ADGRL3: variants seen among roughly 807,000 people sequenced by gnomAD.
The protein encoded by ADGRL3 is adhesion G protein-coupled receptor L3.
A neutral mutation model predicts 153.5 loss-of-function variants in ADGRL3; 62 were observed. The observed-to-expected ratio is 0.40, with a 90% CI of 0.33 to 0.50. The LOEUF is 0.50. ADGRL3 is among the 20% of genes least tolerant of loss of function. The probability of loss-of-function intolerance (pLI) is 0.47; values close to 1 mark genes in which losing one functional copy is unlikely to be tolerated. For missense variants in ADGRL3, 1,641 were observed against 1,859.4 expected (o/e 0.88, Z 2.16); for synonymous variants, 710 against 672.5 (o/e 1.06, Z -0.86).
chr4:61,871,102 C>T (rs552916206), intron 9 of ADGRL3, among the ~76,000 whole-genome samples: 121 of 145,660 alleles, frequency 8.3e-4, no homozygotes, highest in Non-Finnish European at 1.4e-3. Flanking sequence ...CACGGTGAAA[C>T]CCCGTCTCTA....
intron 25 of ADGRL3, among the ~76,000 whole-genome samples, chr4:62,050,579 G>T (rs1733559586): frequency 6.6e-6 from 1 of 151,786 alleles, no homozygotes. Flanking sequence ...AACATATTTT[G>T]CTTTTATATT....
At chr4:61,288,737 C>T (rs2150112986) in intron 1 of ADGRL3, among the ~76,000 whole-genome samples, 1 of 152,042 alleles carries the variant, frequency 6.6e-6, no homozygotes, top group South Asian at 2.1e-4. Context: ...TAAGAGATAG[C>T]TCCCTTTGTT....
At chr4:61,639,713 G>A (rs542872352) in intron 5 of ADGRL3, among the ~76,000 whole-genome samples, 1 of 152,244 alleles carries the variant, frequency 6.6e-6, no homozygotes, top group South Asian at 2.1e-4. Flanking sequence ...TTAAATTGTA[G>A]TCTCAGTAGT....
Position 61,892,845 on chromosome 4 carries a change from C to T in ADGRL3, c.1670C>T (p.Ser557Phe), listed in dbSNP as rs1448871576. 1.2e-6 allele frequency: 2 copies of T among 1,613,434 alleles called. No individual in the cohort carries two copies. The highest frequency in any genetic ancestry group is 3.3e-5 in the Admixed American group (2 of 59,954). The change falls in exon 10 of 27, where the codon TCC (serine) becomes TTC (phenylalanine). Residue 557 changes from serine (S) to phenylalanine (F), a missense_variant. Physicochemically the swap from Ser to Phe is radical, Grantham distance 155. Transcript: ENST00000683033. Reference protein sequence around the residue: ...DMTTHLPSASSQIPALEESCE... With the variant: ...DMTTHLPSASFQIPALEESCE... ...ACCACACACCTTCCATCAGCATCGT[C>T]CCAAATCCCAGCTCTCGAAGAGAGC...
intron 5 of ADGRL3, among the ~76,000 whole-genome samples, chr4:61,656,362 TG>T (rs76225203): frequency 2.0e-5 from 3 of 151,076 alleles, no homozygotes; most frequent in African/African-American, 4.9e-5. Flanking sequence ...CTTTTTTTTG[TG>T]GGGGGGGTGA....
At chr4:61,491,618 C>T (rs2098259022) in intron 2 of ADGRL3, among the ~76,000 whole-genome samples, 6 of 151,902 alleles carry the variant, frequency 3.9e-5, no homozygotes, top group Admixed American at 3.9e-4. Flanking sequence ...CAGGGTGTTG[C>T]TTTGTTGACC....
intron 8 of ADGRL3, among the ~76,000 whole-genome samples, chr4:61,735,935 A>G (rs2151854229): frequency 6.6e-6 from 1 of 152,116 alleles, no homozygotes; most frequent in East Asian, 1.9e-4. Flanking sequence ...AACGAATAAG[A>G]TGGTACCATA....
At chr4:62,063,145 T>A (rs1741088240) in intron 25 of ADGRL3, among the ~76,000 whole-genome samples, 1 of 152,096 alleles carries the variant, frequency 6.6e-6, no homozygotes, top group Non-Finnish European at 1.5e-5. Context: ...TTTTTGGCTT[T>A]TGTTTTGTGT....
chr4:61,353,843 A>T (rs990943407), intron 1 of ADGRL3, among the ~76,000 whole-genome samples: 1 of 151,842 alleles, frequency 6.6e-6, no homozygotes, highest in Admixed American at 6.6e-5. Flanking sequence ...GGGCATAAAT[A>T]TGTGTGTTAC....
intron 3 of ADGRL3, among the ~76,000 whole-genome samples, chr4:61,509,722 G>A (rs2098453102): frequency 6.6e-6 from 1 of 152,068 alleles, no homozygotes; most frequent in Non-Finnish European, 1.5e-5. Context: ...GTGCTGCAAT[G>A]TATATACAAA....
At chr4:61,293,817 T>C (rs72634745) in intron 1 of ADGRL3, among the ~76,000 whole-genome samples, 2,411 of 152,292 alleles carry the variant, frequency 0.016, 34 homozygotes, top group Middle Eastern at 0.034. Context: ...ATTTAAATCC[T>C]AGCTCTGACC....
chr4:61,837,962 T>G (rs1488573058), intron 9 of ADGRL3, among the ~76,000 whole-genome samples: 1 of 152,116 alleles, frequency 6.6e-6, no homozygotes, highest in African/African-American at 2.4e-5. Context: ...AGTTCCATTG[T>G]CATGATGTGC....
chr4:61,513,259 T>A (rs910696842), intron 3 of ADGRL3, among the ~76,000 whole-genome samples: 5 of 152,184 alleles, frequency 3.3e-5, no homozygotes, highest in Admixed American at 6.5e-5. Flanking sequence ...CAGTACTTAC[T>A]TAATTTTAAA....
chr4:61,808,732 G>GTGTT (rs539186158), intron 8 of ADGRL3, among the ~76,000 whole-genome samples: 1,515 of 148,836 alleles, frequency 0.01, 31 homozygotes, highest in African/African-American at 0.034. Context: ...ATGGGTTTTT[G>GTGTT]TGTTTGTTTG....
rs1002460440 is a variant in ADGRL3, at chr4:61,892,739, A to T, written c.1564A>T (p.Ser522Cys). The T allele has an allele frequency of 6.2e-7, 1 of 1,613,916 alleles. No individual in the cohort carries two copies. The highest frequency in any genetic ancestry group is 8.5e-7 in the Non-Finnish European group (1 of 1,179,834). ...GACCACAACTTTGAGCCCAGGAAGG[A>T]GTACCACCCCGTCAGTGTCAGGAAG... Reference protein sequence around the residue: ...LRTTTLSPGRSTTPSVSGRRN... With the variant: ...LRTTTLSPGRCTTPSVSGRRN... The change falls in exon 10 of 27, where the codon AGT becomes TGT. Residue 522 changes from serine (S) to cysteine (C), a missense_variant. By Grantham distance (112) the Ser-to-Cys change is moderately radical. Coordinates refer to ENST00000683033, the MANE Select transcript of ADGRL3 (RefSeq NM_001387552.1).
chr4:61,665,905 A>G (rs983939962), intron 5 of ADGRL3, among the ~76,000 whole-genome samples: 12 of 152,074 alleles, frequency 7.9e-5, no homozygotes, highest in African/African-American at 2.9e-4. Flanking sequence ...CTTGAGATTT[A>G]TTTGTCTTCA....
At chr4:61,444,702 T>TA (rs1483911311) in intron 2 of ADGRL3, among the ~76,000 whole-genome samples, 1 of 152,134 alleles carries the variant, frequency 6.6e-6, no homozygotes, top group Non-Finnish European at 1.5e-5. Context: ...ATTTTGTCAT[T>TA]AAAAAACTCT....
At chr4:61,693,501 A>G (rs1458158275) in intron 6 of ADGRL3, among the ~76,000 whole-genome samples, 4 of 152,110 alleles carry the variant, frequency 2.6e-5, no homozygotes, top group Admixed American at 2.6e-4. Context: ...AATAAAGATT[A>G]TGTTAAGTCT....
intron 15 of ADGRL3, among the ~76,000 whole-genome samples, chr4:61,945,807 G>A (rs938986546): frequency 1.8e-4 from 28 of 151,718 alleles, no homozygotes; most frequent in Non-Finnish European, 2.5e-4. Flanking sequence ...CGCACGGTGC[G>A]CACACACACT....
Sources: gnomAD v4.1 joint callset for allele counts (sites outside exome capture counted in the v4.1 genomes callset) on GRCh38, gnomAD v4.1.1 for gene constraint, MANE v1.5 for transcripts, NCBI Gene and HGNC (gene_info 2026-07-23, HGNC 2026-07-21) for gene names.